Variants in ATG2B observed in about 807,000 individuals in gnomAD.
ATG2B encodes autophagy related 2B, also known as autophagy-related protein 2 homolog B.
ATG2B carries 121 observed loss-of-function variants against 241.3 expected under a neutral mutation model. The ratio of observed to expected loss-of-function variants is 0.50; its 90% CI spans 0.43 to 0.58. ATG2B has a LOEUF of 0.58. Ranked by LOEUF, ATG2B falls within the 20% of genes least tolerant of loss-of-function variation. The pLI is 0.00. For synonymous variants in ATG2B, 858 were observed against 876.6 expected (o/e 0.98, Z 0.37); for missense variants, 2,306 against 2,491.6 (o/e 0.93, Z 1.59).
rs1380061442 is a variant in ATG2B at position 96,322,587 on chromosome 14, C to G, written c.2689G>C (p.Ala897Pro). The change falls in exon 17 of 42, where the codon GCC (alanine) becomes CCC (proline). Residue 897 changes from alanine to proline, a missense_variant. Transcript: ENST00000359933. ...LKDVCDLRRPAPSPFSSRRVM... is the reference protein window; with the variant it reads ...LKDVCDLRRPPPSPFSSRRVM... ...CTACGAGAAGAAAAAGGAGATGGGGCTGGTCTTCTTAGATCACAAACATCT... is the reference window on the plus strand; with the variant it reads ...CTACGAGAAGAAAAAGGAGATGGGGGTGGTCTTCTTAGATCACAAACATCT... The G allele has an allele frequency of 3.7e-6, 6 of 1,613,388 alleles. No individual in the cohort carries two copies. Among genetic ancestry groups the G allele is most frequent in the Middle Eastern group, 3.3e-4 (2 of 6,052 alleles).
At chr14:96,308,302 T>TG (rs1887058180) in intron 29 of ATG2B, among the ~76,000 whole-genome samples, 1 of 89,564 alleles carries the variant, frequency 1.1e-5, no homozygotes, top group African/African-American at 4.3e-5. Context: ...TTTTTTTTTT[T>TG]GAGACAGAAT....
chr14:96,300,230 G>T (rs1305681305), intron 34 of ATG2B, among the ~76,000 whole-genome samples: 1 of 152,140 alleles, frequency 6.6e-6, no homozygotes, highest in Non-Finnish European at 1.5e-5. Context: ...GTCTATTAAA[G>T]AAAATTAGGG....
At position 96,306,814 on chromosome 14, in the gene ATG2B, T is replaced by C. The variant is rs762027635; in HGVS notation, c.4406A>G (p.Tyr1469Cys). Residue 1469 changes from tyrosine (Y) to cysteine (C), a missense_variant, in exon 30 of 42, where the codon TAT becomes TGT. By Grantham distance (194) the Tyr-to-Cys change is radical. Coordinates refer to ENST00000359933, the MANE Select transcript of ATG2B (RefSeq NM_018036.7). ...GATGAAATGGTGAGAGAATGAGGCATAGGTGGGGCCGGACTCCTGGGATAC... is the reference window on the plus strand; with the variant it reads ...GATGAAATGGTGAGAGAATGAGGCACAGGTGGGGCCGGACTCCTGGGATAC... ...GNVSQESGPT[Y>C]ASFSHHFISD... 6.2e-6 allele frequency: 10 copies of C among 1,613,966 alleles called. No homozygotes were observed. Among genetic ancestry groups the C allele is most frequent in the South Asian group, 2.2e-5 (2 of 91,072 alleles).
Position 96,329,479 on chromosome 14 carries a change from T to C in ATG2B, c.1881+5A>G, listed in dbSNP as rs752898540. ...AATCTTAAAGAAAAAGTATTCAATA[T>C]TTACCTCTGTATAGTGAGGAGGAAC... On this transcript the variant is annotated splice_donor_5th_base_variant and intron_variant, in intron 12 of 41. Transcript: ENST00000359933. 62 of 1,580,882 alleles carry C rather than the reference T, an allele frequency of 3.9e-5. 1 individual carries two copies. The South Asian group carries it at 7.1e-4, about 18-fold the overall frequency.
At position 96,289,446 on chromosome 14, in the gene ATG2B, G is replaced by A. The variant is rs572912401; in HGVS notation, c.6006+210C>T. 7 of 483,380 alleles carry A rather than the reference G, an allele frequency of 1.4e-5. No homozygotes were observed. Among genetic ancestry groups the A allele is most frequent in the African/African-American group, 9.7e-5 (5 of 51,754 alleles). 29.9% of individuals were successfully genotyped at this position (483,380 alleles called of 1,614,324 possible). On this transcript the variant is annotated intron_variant, in intron 41 of 41. Coordinates refer to ENST00000359933, the MANE Select transcript of ATG2B (RefSeq NM_018036.7). This position sits in a 1 kb window ranked among gnomAD's most constrained non-coding sequence, Gnocchi z 4.3. ...GAAGAGAGAGAATCCATCCACCCAC[G>A]CAATCACTAGTATTCCTGTCAGCCT...
chr14:96,312,403 G>A (rs1388651085), intron 25 of ATG2B, among the ~76,000 whole-genome samples: 2 of 152,136 alleles, frequency 1.3e-5, no homozygotes, highest in Non-Finnish European at 2.9e-5. Context: ...ATTTTTGGCA[G>A]TTTTTAAAGA....
At position 96,303,047 on chromosome 14, in the gene ATG2B, A is replaced by ACAT; in HGVS notation, c.5037+13_5037+14insATG. On this transcript the variant is annotated intron_variant, in intron 33 of 41. Transcript: ENST00000359933. ...CCAAAACTAACATAACACAACGATG[A>ACAT]GGTTAACTCTTACCATGTTGGAGTG... 6.8e-7 allele frequency: 1 copy of ACAT among 1,478,944 alleles called. No individual in the cohort carries two copies. Among genetic ancestry groups the ACAT allele is most frequent in the South Asian group, 1.4e-5 (1 of 70,090 alleles). 91.6% of individuals were successfully genotyped at this position (1,478,944 alleles called of 1,614,324 possible).
intron 2 of ATG2B, among the ~76,000 whole-genome samples, chr14:96,345,906 A>C (rs763133529): frequency 1.6e-4 from 25 of 152,172 alleles, no homozygotes; most frequent in Non-Finnish European, 2.6e-4. Context: ...CGACAGGACC[A>C]ATTTGGCCTG....
chr14:96,341,334 G>C (rs898838569), intron 6 of ATG2B, among the ~76,000 whole-genome samples, 188 bp downstream of exon 6: 2 of 152,154 alleles, frequency 1.3e-5, no homozygotes, highest in East Asian at 3.8e-4. Context: ...TAGGGCAAAG[G>C]CAGTCCTCAC....
Position 96,317,267 on chromosome 14 carries a change from C to T in ATG2B, c.3088G>A (p.Asp1030Asn), listed in dbSNP as rs752279296. 3.7e-5 allele frequency: 59 copies of T among 1,613,568 alleles called. No individual in the cohort carries two copies. The highest frequency in any genetic ancestry group is 4.7e-5 in the Non-Finnish European group (55 of 1,179,828). Reference protein sequence around the residue: ...EETLQYFSTVDPNYRSRRKKK... With the variant: ...EETLQYFSTVNPNYRSRRKKK... The stretch of plus-strand genomic sequence containing the variant: ...TTCCTGCGAGAACGATAGTTGGGAT[C>T]AACAGTGGAAAAATACTGCAAAGTC... Residue 1030 changes from aspartate (D) to asparagine (N), a missense_variant, in exon 20 of 42, where the codon GAT becomes AAT. Asp to Asn is a conservative substitution (Grantham distance 23). This residue lies in a region of ATG2B where 1,927 missense variants were observed against 2,011.2 expected (regional missense o/e 0.96). Coordinates refer to ENST00000359933, the MANE Select transcript of ATG2B (RefSeq NM_018036.7).
Position 96,290,846 on chromosome 14 carries a change from C to A in ATG2B, c.5669G>T (p.Gly1890Val). 1 of 1,613,902 alleles carries A rather than the reference C, an allele frequency of 6.2e-7. No individual in the cohort carries two copies. The highest frequency in any genetic ancestry group is 8.5e-7 in the Non-Finnish European group (1 of 1,179,944). ...TACTAGTGAATGCATAGGTCCAACA[C>A]CTCCCAGGATTCCTGGTAGCTGGTT... ...KKNQLPGILG[G>V]VGPMHSLVQL... The change falls in exon 39 of 42, where the codon GGT (glycine) becomes GTT (valine). Residue 1890 changes from glycine to valine, a missense_variant. By Grantham distance (109) the Gly-to-Val change is moderately radical. This residue lies in a region of ATG2B where 379 missense variants were observed against 480.4 expected (regional missense o/e 0.79). Transcript: ENST00000359933. The surrounding 1 kb of genome is among the most constrained non-coding windows in gnomAD (Gnocchi z 4.4).
chr14:96,290,615 C>T lies in ATG2B; in HGVS notation c.5702-25G>A. On this transcript the variant is annotated intron_variant, in intron 39 of 41. Coordinates refer to ENST00000359933, the MANE Select transcript of ATG2B (RefSeq NM_018036.7). This position sits in a 1 kb window ranked among gnomAD's most constrained non-coding sequence, Gnocchi z 4.4. ...ACTACAACAGTCAACACAAAATCAA[C>T]ATCAGTGCCACAGTTCAGACTTTTC... 7 of 1,612,550 alleles carry T rather than the reference C, an allele frequency of 4.3e-6. No homozygotes were observed. Among genetic ancestry groups the T allele is most frequent in the Non-Finnish European group, 5.9e-6 (7 of 1,179,046 alleles).
At chr14:96,361,193 A>C (rs1485043639) in intron 1 of ATG2B, among the ~76,000 whole-genome samples, 1 of 152,208 alleles carries the variant, frequency 6.6e-6, no homozygotes, top group African/African-American at 2.4e-5. Flanking sequence ...CTGAACTCAA[A>C]CTATAAAATT....
chr14:96,291,552 C>G, intron 38 of ATG2B, 48 bp downstream of exon 38: 1 of 1,407,938 alleles, frequency 7.1e-7, no homozygotes, highest in Non-Finnish European at 9.9e-7. Context: ...TTGTTGTACA[C>G]TAACTTTGAT....
At position 96,290,670 on chromosome 14, in the gene ATG2B, C is replaced by T; in HGVS notation, c.5702-80G>A. 9 of 1,574,226 alleles carry T rather than the reference C, an allele frequency of 5.7e-6. No individual in the cohort carries two copies. Among genetic ancestry groups the T allele is most frequent in the Non-Finnish European group, 7.8e-6 (9 of 1,158,892 alleles). On this transcript the variant is annotated intron_variant, in intron 39 of 41. Coordinates refer to ENST00000359933, the MANE Select transcript of ATG2B (RefSeq NM_018036.7). The surrounding 1 kb of genome is among the most constrained non-coding windows in gnomAD (Gnocchi z 4.4). ...ATTCTAACCCTGGGGTTTTTAACTC[C>T]TAAAACTGGAGGCAAAGTTTTGTGT...
chr14:96,315,361 G>C (rs1301832672), intron 22 of ATG2B, 23 bp downstream of exon 22: 2 of 1,604,182 alleles, frequency 1.2e-6, no homozygotes. Context: ...ATCAACAGTG[G>C]CATAAAAGTA....
chr14:96,341,471 T>C (rs751254220), intron 6 of ATG2B, 51 bp downstream of exon 6: 2 of 1,404,254 alleles, frequency 1.4e-6, no homozygotes, highest in South Asian at 2.9e-5. Context: ...GAATAAAGAA[T>C]ACTTGTACTT....
At chr14:96,350,807 C>T (rs1888296243) in intron 1 of ATG2B, among the ~76,000 whole-genome samples, 1 of 152,180 alleles carries the variant, frequency 6.6e-6, no homozygotes, top group Non-Finnish European at 1.5e-5. Flanking sequence ...AGTACATGGG[C>T]ATGGATGGTT....
At chr14:96,311,462 A>G in intron 27 of ATG2B, 80 bp downstream of exon 27, 2 of 1,300,174 alleles carry the variant, frequency 1.5e-6, no homozygotes, top group Non-Finnish European at 2.2e-6. Flanking sequence ...AAAATTAGGT[A>G]CACGGAAAAA....
Sources: gnomAD v4.1 joint callset for allele counts (sites outside exome capture counted in the v4.1 genomes callset) on GRCh38, gnomAD v4.1.1 for gene constraint, gnomAD v4.1.1 regional missense constraint, Gnocchi (gnomAD v3.1) non-coding constraint, MANE v1.5 for transcripts, NCBI Gene and HGNC (gene_info 2026-07-23, HGNC 2026-07-21) for gene names.